Variants in TJP2 observed in about 807,000 individuals in gnomAD.
TJP2 encodes the protein tight junction protein 2.
Under a neutral mutation model 133.1 loss-of-function variants are expected in TJP2, and 91 were observed. That is an observed-to-expected ratio of 0.68 (90% CI 0.58 to 0.81). The LOEUF (loss-of-function observed/expected upper bound fraction) is 0.81, where lower values mean the gene tolerates loss of function less well. Among genes scored for constraint, TJP2 ranks in the 40% least tolerant of loss-of-function variants. The pLI is 0.00. For missense variants in TJP2, 1,541 were observed against 1,565.6 expected (o/e 0.98, Z 0.26); for synonymous variants, 592 against 583.4 (o/e 1.01, Z -0.21).
At chr9:69,252,168 G>A (rs115380750) in intron 21 of TJP2, among the ~76,000 whole-genome samples, 8,761 of 151,766 alleles carry the variant, frequency 0.058, 271 homozygotes, top group South Asian at 0.065. Flanking sequence ...CTAATTTTTC[G>A]TATTTTTTGA....
At chr9:69,138,503 A>G (rs899846888) in intron 1 of TJP2, among the ~76,000 whole-genome samples, 3 of 150,964 alleles carry the variant, frequency 2.0e-5, no homozygotes, top group Non-Finnish European at 4.4e-5. Context: ...ACCATGGCTT[A>G]TGCTTGTAAT....
At position 69,249,486 on chromosome 9, in the gene TJP2, G is replaced by A; in HGVS notation, c.2991+1G>A. 1.2e-6 allele frequency: 2 copies of A among 1,600,620 alleles called. No homozygotes were observed. The highest frequency in any genetic ancestry group is 8.5e-7 in the Non-Finnish European group (1 of 1,172,524). ...AGCATTCAAGCCAGAGCCGCCCAAG[G>A]TACGTGGCTGGGAAGCCCAGGATGG... On this transcript the variant is annotated splice_donor_variant, in intron 20 of 22. Coordinates refer to ENST00000377245, the MANE Select transcript of TJP2 (RefSeq NM_004817.4). LOFTEE classifies it high-confidence loss of function.
intron 1 of TJP2, among the ~76,000 whole-genome samples, chr9:69,189,337 AG>A (rs1278962056): frequency 6.6e-6 from 1 of 152,196 alleles, no homozygotes; most frequent in Non-Finnish European, 1.5e-5. Context: ...AACCCTGGGA[AG>A]GGTGCTTATT....
chr9:69,130,192 G>A (rs1412601681), intron 1 of TJP2, among the ~76,000 whole-genome samples: 2 of 152,136 alleles, frequency 1.3e-5, no homozygotes, highest in Non-Finnish European at 2.9e-5. Flanking sequence ...TCACAAGCCA[G>A]TATTGAGTTT....
chr9:69,154,582 G>T (rs548399711), intron 2 of TJP2, among the ~76,000 whole-genome samples: 3 of 151,348 alleles, frequency 2.0e-5, no homozygotes, highest in African/African-American at 7.3e-5. Flanking sequence ...TTAAGCCCAG[G>T]AGTTCAAGAG....
intron 18 of TJP2, among the ~76,000 whole-genome samples, chr9:69,247,234 G>A (rs375675408): frequency 1.3e-5 from 2 of 152,232 alleles, no homozygotes; most frequent in South Asian, 2.1e-4. Flanking sequence ...ATGTGCCATC[G>A]TTCTGGGAGT....
At chr9:69,239,850 A>G in intron 16 of TJP2, 87 bp from the exon 17 acceptor site, 2 of 1,061,802 alleles carry the variant, frequency 1.9e-6, no homozygotes, top group Non-Finnish European at 1.4e-6. Flanking sequence ...GATATATCTC[A>G]TACAGCCTTT....
At chr9:69,205,417 T>C in intron 1 of TJP2, 1 of 1,289,528 alleles carries the variant, frequency 7.8e-7, no homozygotes, top group South Asian at 1.6e-5. Flanking sequence ...AAAATACTTG[T>C]ATTAATTTTA....
rs71354318 is a variant in TJP2, at chr9:69,156,523, A to AT, written c.-10+4778dup. ...TAATACATCAATCAATACATGTAAG[A>AT]TTTTTTTTTTTTTTTTTTTTTTTTT... On this transcript the variant is annotated intron_variant, in intron 2 of 5. Coordinates refer to the TJP2 transcript ENST00000423935. Among the ~76,000 whole-genome samples the AT allele has an allele frequency of 5.4e-3, 440 of 81,150 alleles. 26 individuals carry two copies. Among genetic ancestry groups the AT allele is most frequent in the African/African-American group, 0.017 (320 of 18,684 alleles). The allele number at this position is 81,150 out of a possible 152,430, so 53.2% of individuals were successfully genotyped here. A position where few individuals can be genotyped will look rare whatever the true frequency, so the allele number is the denominator to read the frequency against.
At chr9:69,215,190 A>G (rs1390329411) in intron 2 of TJP2, among the ~76,000 whole-genome samples, 1 of 152,142 alleles carries the variant, frequency 6.6e-6, no homozygotes, top group Non-Finnish European at 1.5e-5. Flanking sequence ...GAGAGGAGCA[A>G]AGTTTGAAAA....
At chr9:69,236,677 A>G (rs932526429) in intron 13 of TJP2, among the ~76,000 whole-genome samples, 6 of 152,106 alleles carry the variant, frequency 3.9e-5, no homozygotes, top group Non-Finnish European at 8.8e-5. Context: ...CAGGAGTTCC[A>G]GGTGTGTGTA....
In TJP2 at chr9:69,246,687, T is replaced by C. The variant is rs1347677644; in HGVS notation, c.2567-3T>C. On this transcript the variant is annotated splice_polypyrimidine_tract_variant and splice_region_variant and intron_variant, in intron 17 of 22. Transcript: ENST00000377245. ...GCAGACCTTTTTGTTTATATTTCTA[T>C]AGCTACAATCAACCTAAATTCAGCC... The C allele has an allele frequency of 6.2e-7, 1 of 1,613,396 alleles. No individual in the cohort carries two copies. Among genetic ancestry groups the C allele is most frequent in the Non-Finnish European group, 8.5e-7 (1 of 1,179,314 alleles).
chr9:69,247,384 T>C (rs1010167737), intron 18 of TJP2, among the ~76,000 whole-genome samples: 1 of 152,186 alleles, frequency 6.6e-6, no homozygotes, highest in African/African-American at 2.4e-5. Context: ...GCCGCTTTTA[T>C]TTTAGAAGCT....
At chr9:69,160,067 T>C (rs918025017) in intron 2 of TJP2, among the ~76,000 whole-genome samples, 1 of 151,812 alleles carries the variant, frequency 6.6e-6, no homozygotes, top group Non-Finnish European at 1.5e-5. Flanking sequence ...GGAGAAGATA[T>C]GTAAAAAATA....
chr9:69,157,700 C>G (rs191407012), intron 2 of TJP2, among the ~76,000 whole-genome samples: 103 of 152,236 alleles, frequency 6.8e-4, no homozygotes, highest in African/African-American at 2.3e-3. Flanking sequence ...CTCAAGTGAT[C>G]CATCTGCCTT....
At chr9:69,134,976 G>GGAGAGAGAGA (rs56216843) in intron 1 of TJP2, among the ~76,000 whole-genome samples, 3 of 148,802 alleles carry the variant, frequency 2.0e-5, no homozygotes, top group Non-Finnish European at 4.5e-5. Context: ...AGAGAGAAGA[G>GGAGAGAGAGA]GAGAGAGAGA....
At chr9:69,237,727 A>G (rs1352887793) in intron 14 of TJP2, 151 bp from the exon 15 acceptor site, 4 of 663,414 alleles carry the variant, frequency 6.0e-6, no homozygotes, top group Non-Finnish European at 8.2e-6. Context: ...TAGTGAAGGC[A>G]TATTCTTCAG....
Position 69,230,171 on chromosome 9 carries a change from G to A in TJP2, c.1610G>A (p.Gly537Asp), listed in dbSNP as rs1258523948. ...AATGATGTCGGGATATTTGTTGCTG[G>A]CATTCAAGAAGGGACCTCGGCGGAG... is the stretch of plus-strand genomic sequence containing the variant. The part of the protein sequence containing the change: ...GGNDVGIFVA[G>D]IQEGTSAEQE... The change falls in exon 11 of 23, where the codon GGC becomes GAC. Residue 537 changes from glycine to aspartate, a missense_variant. Physicochemically the swap from Gly to Asp is moderately conservative, Grantham distance 94. Coordinates refer to ENST00000377245, the MANE Select transcript of TJP2 (RefSeq NM_004817.4). 1.2e-6 allele frequency: 2 copies of A among 1,614,162 alleles called. No individual in the cohort carries two copies. Among genetic ancestry groups the A allele is most frequent in the East Asian group, 2.2e-5 (1 of 44,874 alleles).
At chr9:69,197,544 C>T (rs1176074769) in intron 1 of TJP2, among the ~76,000 whole-genome samples, 1 of 152,092 alleles carries the variant, frequency 6.6e-6, no homozygotes, top group Non-Finnish European at 1.5e-5. Context: ...TCGTAATGCT[C>T]TTCTGAGAGG....
Sources: gnomAD v4.1 joint callset for allele counts (sites outside exome capture counted in the v4.1 genomes callset) on GRCh38, gnomAD v4.1.1 for gene constraint, MANE v1.5 for transcripts, NCBI Gene and HGNC (gene_info 2026-07-23, HGNC 2026-07-21) for gene names.